CCDC178: variants seen among roughly 807,000 people sequenced by gnomAD.
CCDC178 encodes coiled-coil domain-containing protein 178.
A neutral mutation model predicts 117.4 loss-of-function variants in CCDC178; 126 were observed. The ratio of observed to expected loss-of-function variants is 1.07; its 90% confidence interval spans 0.93 to 1.24. CCDC178 has a LOEUF of 1.24. Among genes scored for constraint, CCDC178 ranks in the 50% most tolerant of loss-of-function variants. The pLI, the probability that CCDC178 is intolerant of heterozygous loss-of-function variation, is 0.00. For synonymous variants in CCDC178, 283 were observed against 313.4 expected (o/e 0.90, Z 1.02); for missense variants, 1,030 against 986.9 (o/e 1.04, Z -0.59).
At chr18:32,984,844 C>G (rs2055229309) in intron 21 of CCDC178, among the ~76,000 whole-genome samples, 1 of 151,838 alleles carries the variant, frequency 6.6e-6, no homozygotes, top group Non-Finnish European at 1.5e-5. Flanking sequence ...ATTTTTGAAG[C>G]ATACACTTCC....
At chr18:33,282,909 G>C (rs542019724) in intron 12 of CCDC178, among the ~76,000 whole-genome samples, 1 of 152,196 alleles carries the variant, frequency 6.6e-6, no homozygotes, top group Admixed American at 6.5e-5. Flanking sequence ...CTGCTTGCAG[G>C]GCACAGAGAA....
chr18:33,279,861 C>T (rs1222665953), intron 12 of CCDC178, among the ~76,000 whole-genome samples: 2 of 152,224 alleles, frequency 1.3e-5, no homozygotes, highest in East Asian at 3.9e-4. Flanking sequence ...AAAGGATTCC[C>T]TATTTAATAA....
chr18:33,156,641 CAAAAAAAAAAA>C (rs35712594), intron 20 of CCDC178, among the ~76,000 whole-genome samples: 1 of 99,272 alleles, frequency 1.0e-5, no homozygotes, highest in Non-Finnish European at 1.9e-5. Context: ...TCCTCCCTCT[CAAAAAAAAAAA>C]AAAAAAAAAG....
chr18:33,308,246 G>C (rs2062285177), intron 11 of CCDC178, among the ~76,000 whole-genome samples: 1 of 152,236 alleles, frequency 6.6e-6, no homozygotes, highest in Non-Finnish European at 1.5e-5. Flanking sequence ...TCTTGCAACA[G>C]CATGCCCTGC....
At chr18:33,346,110 G>T in intron 9 of CCDC178, 101 bp downstream of exon 9, 1 of 846,478 alleles carries the variant, frequency 1.2e-6, no homozygotes, top group Non-Finnish European at 1.8e-6. Context: ...ACAGGCATGA[G>T]CCATGGCACT....
chr18:33,331,425 G>A (rs79482873), intron 10 of CCDC178, among the ~76,000 whole-genome samples: 8 of 152,078 alleles, frequency 5.3e-5, no homozygotes, highest in African/African-American at 1.9e-4. Context: ...TAAAATGGAA[G>A]TTAGAGCTGC....
intron 2 of CCDC178, among the ~76,000 whole-genome samples, chr18:33,418,941 T>C (rs2063986001): frequency 6.6e-6 from 1 of 152,144 alleles, no homozygotes; most frequent in South Asian, 2.1e-4. Context: ...TTGCTATTCC[T>C]ACAAAACTAC....
chr18:33,076,710 G>C (rs1007373412), intron 21 of CCDC178, among the ~76,000 whole-genome samples: 1 of 152,188 alleles, frequency 6.6e-6, no homozygotes, highest in East Asian at 1.9e-4. Context: ...GGAGGCGGTA[G>C]TGCATCTAAC....
chr18:33,152,255 A>G (rs1473618210), intron 20 of CCDC178, among the ~76,000 whole-genome samples: 3 of 152,198 alleles, frequency 2.0e-5, no homozygotes, highest in Non-Finnish European at 4.4e-5. Context: ...TCACTATTCT[A>G]TAACTCTACA....
At chr18:32,986,189 T>G (rs2055259536) in intron 21 of CCDC178, among the ~76,000 whole-genome samples, 1 of 152,056 alleles carries the variant, frequency 6.6e-6, no homozygotes, top group South Asian at 2.1e-4. Flanking sequence ...TATACAAATA[T>G]TTTTATTGCA....
chr18:33,259,957 G>T (rs982730503), intron 14 of CCDC178, among the ~76,000 whole-genome samples: 6 of 151,956 alleles, frequency 3.9e-5, no homozygotes, highest in African/African-American at 1.5e-4. Flanking sequence ...TATTGAAGTA[G>T]AACTTTTATA....
chr18:33,126,998 AT>A (rs111436740), intron 20 of CCDC178, among the ~76,000 whole-genome samples: 1,642 of 117,586 alleles, frequency 0.014, 19 homozygotes, highest in Middle Eastern at 0.045. Flanking sequence ...AAAAAAAAAA[AT>A]ATATATATAT....
chr18:33,250,940 A>C (rs1269763527), intron 14 of CCDC178, among the ~76,000 whole-genome samples: 1 of 151,674 alleles, frequency 6.6e-6, no homozygotes, highest in Admixed American at 6.6e-5. Flanking sequence ...AAGAAATTAT[A>C]TCCAAAATGT....
chr18:33,298,136 G>A (rs1292638536), intron 11 of CCDC178, among the ~76,000 whole-genome samples: 2 of 151,712 alleles, frequency 1.3e-5, no homozygotes, highest in African/African-American at 4.8e-5. Flanking sequence ...CAAGACCGCT[G>A]TAACCTTGAT....
At chr18:33,207,949 C>T (rs565838784) in intron 20 of CCDC178, among the ~76,000 whole-genome samples, 2 of 152,156 alleles carry the variant, frequency 1.3e-5, no homozygotes, top group Non-Finnish European at 2.9e-5. Context: ...GTGCTACCCT[C>T]TCCTGTTAAG....
In CCDC178 at chr18:33,386,005, G is replaced by A. The variant is rs151009889; in HGVS notation, c.208+3535C>T. 2.4e-3 allele frequency among the ~76,000 whole-genome samples: 371 copies of A among 152,126 alleles called. 2 individuals are homozygous for A. The highest frequency in any genetic ancestry group is 8.0e-3 in the African/African-American group (330 of 41,486). On this transcript the variant is annotated intron_variant, in intron 5 of 22. Transcript: ENST00000383096. ...AAGATTCAAATAAACAATCAGAAAC[G>A]ATAAGGGGGATACCACCACTGACCC...
chr18:33,190,135 A>G (rs2144513701), intron 20 of CCDC178, among the ~76,000 whole-genome samples: 1 of 152,290 alleles, frequency 6.6e-6, no homozygotes, highest in Admixed American at 6.5e-5. Flanking sequence ...TCATGGTTCT[A>G]CTTCAGTGGC....
intron 21 of CCDC178, among the ~76,000 whole-genome samples, chr18:33,052,938 G>C (rs142698289): frequency 1.6e-3 from 248 of 152,310 alleles, no homozygotes; most frequent in Middle Eastern, 0.014. Flanking sequence ...TTCCCTAGAA[G>C]ATGCATATAT....
At position 33,341,859 on chromosome 18, in the gene CCDC178, GA is replaced by G. The variant is rs375876755; in HGVS notation, c.658+4351del. 2.2e-4 allele frequency among the ~76,000 whole-genome samples: 33 copies of G among 152,106 alleles called. No homozygotes were observed. The East Asian group carries it at 6.2e-3, about 28-fold the overall frequency. ...CAAACTGATACAGACCTAAAACTAG[GA>G]AACAAATTGATTTACCTATTAAAAA... On this transcript the variant is annotated intron_variant, in intron 9 of 22. Transcript: ENST00000383096.
Sources: allele counts gnomAD v4.1 joint callset (sites outside exome capture counted in the v4.1 genomes callset), GRCh38; gene constraint gnomAD v4.1.1; transcripts MANE v1.5; gene names NCBI Gene and HGNC (gene_info 2026-07-23, HGNC 2026-07-21).